The following DISC1 variants were observed in gnomAD, a reference collection of about 807,000 sequenced individuals.
DISC1 encodes the protein DISC1 scaffold protein, also known as disrupted in schizophrenia 1 protein.
A neutral mutation model predicts 84.5 loss-of-function variants in DISC1; 57 were observed. The observed-to-expected ratio is 0.67, with a 90% CI of 0.55 to 0.84. The LOEUF is 0.84. Among genes scored for constraint, DISC1 ranks in the 40% least tolerant of loss-of-function variants. The probability of loss-of-function intolerance (pLI) is 0.00; values close to 1 mark genes in which losing one functional copy is unlikely to be tolerated. For synonymous variants in DISC1, 411 were observed against 415.2 expected (o/e 0.99, Z 0.12); for missense variants, 1,000 against 1,057.8 (o/e 0.95, Z 0.76).
intron 9 of DISC1, among the ~76,000 whole-genome samples, chr1:231,921,056 G>A (rs541596301): frequency 1.5e-3 from 221 of 151,736 alleles, no homozygotes; most frequent in African/African-American, 5.0e-3. Flanking sequence ...ACAGGCATGC[G>A]CCACCAAGCC....
chr1:231,846,161 G>A (rs2083436802), intron 9 of DISC1, among the ~76,000 whole-genome samples: 1 of 152,150 alleles, frequency 6.6e-6, no homozygotes, highest in Non-Finnish European at 1.5e-5. Flanking sequence ...ATCCACACTC[G>A]AGTGGCTGCA....
intron 6 of DISC1, among the ~76,000 whole-genome samples, chr1:231,776,360 C>G (rs1464078378): frequency 6.6e-6 from 1 of 152,224 alleles, no homozygotes; most frequent in Non-Finnish European, 1.5e-5. Context: ...TGTGTTCTGG[C>G]AGCTCATGGA....
intron 1 of DISC1, among the ~76,000 whole-genome samples, chr1:231,652,902 C>G (rs1042867244): frequency 6.6e-6 from 1 of 152,186 alleles, no homozygotes; most frequent in African/African-American, 2.4e-5. Context: ...GTCTCAGCCT[C>G]CTGAGTAGCT....
At chr1:231,804,622 T>G (rs565485703) in intron 8 of DISC1, among the ~76,000 whole-genome samples, 1 of 152,140 alleles carries the variant, frequency 6.6e-6, no homozygotes, top group Non-Finnish European at 1.5e-5. Context: ...GCTCAATGTC[T>G]CTTCTTTTTT....
chr1:231,948,927 T>G (rs1657802819), intron 9 of DISC1, among the ~76,000 whole-genome samples: 1 of 142,532 alleles, frequency 7.0e-6, no homozygotes, highest in Non-Finnish European at 1.5e-5. Context: ...TGGAGTGCAG[T>G]GGTGCGATCT....
Position 231,798,132 on chromosome 1 carries a change from CACAT to C in DISC1, c.1690-1972_1690-1969del, listed in dbSNP as rs1192436934. On this transcript the variant is annotated intron_variant, in intron 7 of 12. Coordinates refer to ENST00000439617, the MANE Select transcript of DISC1 (RefSeq NM_018662.3). ...GACACACCACACACACACACACACA[CACAT>C]ACACACACACCCCTACCTGATATTC... is the stretch of plus-strand genomic sequence containing the variant. 9.0e-3 allele frequency among the ~76,000 whole-genome samples: 1,362 copies of C among 151,624 alleles called. 13 individuals carry two copies. Among genetic ancestry groups the C allele is most frequent in the African/African-American group, 0.03 (1,244 of 41,246 alleles).
chr1:231,910,980 A>G (rs954530727), intron 9 of DISC1, among the ~76,000 whole-genome samples: 30 of 152,076 alleles, frequency 2.0e-4, no homozygotes, highest in Non-Finnish European at 1.5e-5. Context: ...CTGTTTTATC[A>G]GAGACTAGGA....
At chr1:231,634,618 T>C (rs991535488) in intron 1 of DISC1, among the ~76,000 whole-genome samples, 2 of 152,206 alleles carry the variant, frequency 1.3e-5, no homozygotes, top group Admixed American at 1.3e-4. Context: ...TCATTTTGTG[T>C]TCCTTAGTTT....
intron 8 of DISC1, among the ~76,000 whole-genome samples, chr1:231,808,614 C>T (rs539385088): frequency 5.3e-5 from 8 of 152,218 alleles, no homozygotes; most frequent in South Asian, 2.1e-4. Context: ...GTATTTACTG[C>T]GTGCCTTTCA....
At position 231,767,297 on chromosome 1, in the gene DISC1, T is replaced by C. The variant is rs775145582; in HGVS notation, c.1398+28T>C. On this transcript the variant is annotated intron_variant, in intron 5 of 12. Coordinates refer to ENST00000439617, the MANE Select transcript of DISC1 (RefSeq NM_018662.3). ...GAGCAGGTGAAAGATCTTCAAGAAA[T>C]ATGATGGCATTTTTCTTTTCTTTGA... 3 of 1,613,818 alleles carry C rather than the reference T, an allele frequency of 1.9e-6. No individual in the cohort carries two copies. The South Asian group carries it at 3.3e-5, about 18-fold the overall frequency.
intron 11 of DISC1, among the ~76,000 whole-genome samples, chr1:232,021,431 G>T (rs1231120657): frequency 2.0e-5 from 3 of 152,114 alleles, no homozygotes; most frequent in African/African-American, 7.2e-5. Context: ...CTAGGAGCCA[G>T]GGATCTGGGA....
At chr1:231,639,254 C>T (rs200123413) in intron 1 of DISC1, among the ~76,000 whole-genome samples, 6 of 152,208 alleles carry the variant, frequency 3.9e-5, no homozygotes, top group Admixed American at 1.3e-4. Context: ...CTAAAGGAGC[C>T]TCCATCTACA....
intron 9 of DISC1, among the ~76,000 whole-genome samples, chr1:231,925,296 G>T (rs1330158046): frequency 1.3e-5 from 2 of 152,216 alleles, no homozygotes; most frequent in Non-Finnish European, 2.9e-5. Flanking sequence ...CGGTGACGAT[G>T]ATGACAGAAC....
intron 3 of DISC1, among the ~76,000 whole-genome samples, chr1:231,728,528 C>T (rs1558436021): frequency 6.6e-6 from 1 of 152,152 alleles, no homozygotes; most frequent in African/African-American, 2.4e-5. Flanking sequence ...TATTTTGTAG[C>T]TCAGAGGTCT....
At chr1:231,909,418 A>G (rs1360475512) in intron 9 of DISC1, among the ~76,000 whole-genome samples, 1 of 152,184 alleles carries the variant, frequency 6.6e-6, no homozygotes, top group African/African-American at 2.4e-5. Context: ...TTCTGCATCT[A>G]TTGAGATAAT....
chr1:231,979,138 C>T (rs935700414), intron 10 of DISC1, among the ~76,000 whole-genome samples: 7 of 151,824 alleles, frequency 4.6e-5, no homozygotes, highest in African/African-American at 7.3e-5. Flanking sequence ...TAATGCCTGA[C>T]GATCTGTCAC....
chr1:232,019,360 A>G (rs78062480), intron 11 of DISC1, among the ~76,000 whole-genome samples: 6,025 of 152,248 alleles, frequency 0.04, 470 homozygotes, highest in East Asian at 0.29. Flanking sequence ...GAAAGGAAAA[A>G]AATAATAATT....
chr1:231,818,360 C>T lies in DISC1; in HGVS notation c.1824C>T (p.Thr608=), dbSNP rs140611432. The change falls in exon 9 of 13, where the codon ACC becomes ACT. Residue 608 remains threonine, a synonymous_variant. Transcript: ENST00000439617. ...ATTTCTGGACGGCTAAAGACCTCAC[C>T]GAGGAGATTAGATCATTAACATCAG... ...GNHFWTAKDL[T]EEIRSLTSER... is the part of the protein sequence containing the mutation. The T allele has an allele frequency of 2.0e-5, 33 of 1,613,834 alleles. No homozygotes were observed. The highest frequency in any genetic ancestry group is 2.7e-5 in the Non-Finnish European group (32 of 1,179,922).
chr1:231,978,877 G>A (rs1663193079), intron 10 of DISC1, among the ~76,000 whole-genome samples: 1 of 152,152 alleles, frequency 6.6e-6, no homozygotes, highest in South Asian at 2.1e-4. Flanking sequence ...TAGATCAGGG[G>A]TCTCCAACCC....
Sources: allele counts gnomAD v4.1 joint callset (sites outside exome capture counted in the v4.1 genomes callset), GRCh38; gene constraint gnomAD v4.1.1; transcripts MANE v1.5; gene names NCBI Gene and HGNC (gene_info 2026-07-23, HGNC 2026-07-21).